Variants in GRM1 observed in about 807,000 individuals in gnomAD.
GRM1 encodes metabotropic glutamate receptor 1.
GRM1 carries 33 observed loss-of-function variants against 90.9 expected under a neutral mutation model. The ratio of observed to expected loss-of-function variants is 0.36; its 90% CI spans 0.28 to 0.49. The LOEUF is 0.49. Ranked by LOEUF, GRM1 falls within the 20% of genes least tolerant of loss-of-function variation. The pLI, the probability that GRM1 is intolerant of heterozygous loss-of-function variation, is 0.99. For missense variants in GRM1, 1,190 were observed against 1,534.3 expected, an observed-to-expected ratio of 0.78 and a Z score of 3.75; for synonymous variants, 700 against 613.2, an observed-to-expected ratio of 1.14 and a Z score of -2.09.
chr6:146,293,500 C>T (rs923741932), intron 2 of GRM1, among the ~76,000 whole-genome samples: 2 of 151,888 alleles, frequency 1.3e-5, no homozygotes, highest in Admixed American at 6.6e-5. Context: ...TTTATACCTT[C>T]CTTAATTTGA....
chr6:146,144,080 GA>G (rs1352156409), intron 1 of GRM1, among the ~76,000 whole-genome samples: 1 of 152,168 alleles, frequency 6.6e-6, no homozygotes, highest in Non-Finnish European at 1.5e-5. Context: ...CACTGTTATG[GA>G]GCCTGGGGAG....
intron 3 of GRM1, among the ~76,000 whole-genome samples, chr6:146,343,031 C>T (rs1429065596): frequency 3.3e-5 from 5 of 149,976 alleles, no homozygotes; most frequent in Non-Finnish European, 4.4e-5. Flanking sequence ...CATTTATTTT[C>T]CTTGTTTCCT....
intron 1 of GRM1, among the ~76,000 whole-genome samples, chr6:146,119,968 A>T (rs1414174616): frequency 1.3e-5 from 2 of 152,102 alleles, no homozygotes; most frequent in Non-Finnish European, 2.9e-5. Context: ...TTTTTTCCAA[A>T]TCTGTGAAGA....
At chr6:146,033,798 A>G (rs990062906) in intron 1 of GRM1, among the ~76,000 whole-genome samples, 4 of 151,992 alleles carry the variant, frequency 2.6e-5, no homozygotes, top group Non-Finnish European at 4.4e-5. Flanking sequence ...TATTTGATAT[A>G]AAACAATTAA....
chr6:146,064,931 C>T (rs1174190518), intron 1 of GRM1, among the ~76,000 whole-genome samples: 4 of 151,592 alleles, frequency 2.6e-5, no homozygotes, highest in East Asian at 1.9e-4. Context: ...TATCTAAATA[C>T]TAGATGGCAG....
At chr6:146,179,765 T>A (rs913523117) in intron 2 of GRM1, among the ~76,000 whole-genome samples, 21 of 152,176 alleles carry the variant, frequency 1.4e-4, no homozygotes, top group Admixed American at 1.2e-3. Flanking sequence ...TCCGCCCACC[T>A]CGGCCTCCCA....
intron 1 of GRM1, among the ~76,000 whole-genome samples, chr6:146,106,907 C>T (rs968626628): frequency 6.6e-6 from 1 of 152,144 alleles, no homozygotes; most frequent in East Asian, 1.9e-4. Context: ...TAATTATTAG[C>T]CAAACAATGA....
rs78050675 is a variant in GRM1 at position 146,075,043 on chromosome 6, G to C, written c.700+44826G>C. On this transcript the variant is annotated intron_variant, in intron 1 of 7. Coordinates refer to ENST00000282753, the MANE Select transcript of GRM1 (RefSeq NM_001278064.2). ...AGGATCAATTTTCCAGAGTTCATAT[G>C]CTATGAAACAATGTAATCATATATC... Among the ~76,000 whole-genome samples the C allele has an allele frequency of 4.0e-3, 612 of 152,238 alleles. 19 individuals carry two copies. In the East Asian group the frequency reaches 0.071, roughly 18 times the overall value.
chr6:146,086,118 C>CT (rs1776536421), intron 1 of GRM1, among the ~76,000 whole-genome samples: 1 of 151,954 alleles, frequency 6.6e-6, no homozygotes, highest in African/African-American at 2.4e-5. Context: ...TGAAAGGAGC[C>CT]CACACATAAT....
intron 7 of GRM1, among the ~76,000 whole-genome samples, chr6:146,407,609 A>T (rs1777391932): frequency 6.6e-6 from 1 of 152,184 alleles, no homozygotes; most frequent in Admixed American, 6.5e-5. Flanking sequence ...ATATTCCCAG[A>T]TAATTATGTG....
chr6:146,032,120 T>C (rs1790728249), intron 1 of GRM1, among the ~76,000 whole-genome samples: 1 of 152,198 alleles, frequency 6.6e-6, no homozygotes. Flanking sequence ...CTAATTTTGC[T>C]GCGAAAGGAC....
At chr6:146,369,890 T>G (rs1431657753) in intron 5 of GRM1, among the ~76,000 whole-genome samples, 1 of 149,422 alleles carries the variant, frequency 6.7e-6, no homozygotes, top group Non-Finnish European at 1.5e-5. Flanking sequence ...ATTTTCTGTC[T>G]GAATGATTGG....
intron 1 of GRM1, among the ~76,000 whole-genome samples, chr6:146,158,901 C>G (rs79424597): frequency 6.6e-6 from 1 of 152,138 alleles, no homozygotes; most frequent in Non-Finnish European, 1.5e-5. Flanking sequence ...TTCGTGGAAA[C>G]GTTGCAGGAC....
At chr6:146,359,208 T>A (rs985497363) in intron 5 of GRM1, among the ~76,000 whole-genome samples, 1 of 152,232 alleles carries the variant, frequency 6.6e-6, no homozygotes, top group Non-Finnish European at 1.5e-5. Flanking sequence ...ATGAGGCTGC[T>A]GATGATATAA....
At chr6:146,100,833 C>T (rs1777025349) in intron 1 of GRM1, among the ~76,000 whole-genome samples, 1 of 152,146 alleles carries the variant, frequency 6.6e-6, no homozygotes, top group Non-Finnish European at 1.5e-5. Context: ...AGAGTAGTTG[C>T]ACACATATAA....
chr6:146,368,581 A>AAT (rs1491530468), intron 5 of GRM1, among the ~76,000 whole-genome samples: 1 of 152,056 alleles, frequency 6.6e-6, no homozygotes, highest in East Asian at 1.9e-4. Flanking sequence ...TTTTATTATT[A>AAT]AGTGATGTTG....
intron 1 of GRM1, among the ~76,000 whole-genome samples, chr6:146,101,110 A>G (rs1777036042): frequency 6.6e-6 from 1 of 152,182 alleles, no homozygotes; most frequent in Admixed American, 6.5e-5. Flanking sequence ...AAAATTCAGG[A>G]GAAATATTTA....
intron 1 of GRM1, among the ~76,000 whole-genome samples, chr6:146,067,122 C>G (rs1244584703): frequency 6.6e-6 from 1 of 152,068 alleles, no homozygotes; most frequent in African/African-American, 2.4e-5. Context: ...CTGTATTATA[C>G]CCCTCACTCT....
intron 3 of GRM1, among the ~76,000 whole-genome samples, chr6:146,323,147 T>A (rs893654903): frequency 6.6e-6 from 1 of 152,182 alleles, no homozygotes; most frequent in African/African-American, 2.4e-5. Context: ...AAATGGCGTT[T>A]CCAGTTCTAG....
Sources: allele counts gnomAD v4.1 joint callset (sites outside exome capture counted in the v4.1 genomes callset), GRCh38; gene constraint gnomAD v4.1.1; transcripts MANE v1.5; gene names NCBI Gene and HGNC (gene_info 2026-07-23, HGNC 2026-07-21).